The following CD58 variants were observed in gnomAD, a reference collection of about 807,000 sequenced individuals.
CD58 encodes lymphocyte function-associated antigen 3.
CD58 carries 14 observed loss-of-function variants against 27.6 expected under a neutral mutation model. The ratio of observed to expected loss-of-function variants is 0.51; its 90% confidence interval spans 0.34 to 0.79. The LOEUF (loss-of-function observed/expected upper bound fraction) is 0.79. Among genes scored for constraint, CD58 ranks in the 30% least tolerant of loss-of-function variants. The pLI is 0.02. For synonymous variants in CD58, 117 were observed against 103.8 expected, an observed-to-expected ratio of 1.13 and a Z score of -0.77; for missense variants, 268 against 301.7, an observed-to-expected ratio of 0.89 and a Z score of 0.83.
intron 1 of CD58, among the ~76,000 whole-genome samples, chr1:116,547,388 T>TG (rs1364282998): frequency 1.1e-4 from 17 of 151,398 alleles, no homozygotes; most frequent in South Asian, 6.3e-4. Flanking sequence ...TGCAGTGGCG[T>TG]GATCTCGGCT....
chr1:116,569,598 CTTTTTT>C (rs35150803), intron 1 of CD58, among the ~76,000 whole-genome samples: 3 of 110,940 alleles, frequency 2.7e-5, no homozygotes, highest in Admixed American at 9.3e-5. Flanking sequence ...CACAGCTCAC[CTTTTTT>C]TTTTTTTTTT....
chr1:116,570,958 G>A lies in CD58; in HGVS notation c.15C>T (p.Ser5=), dbSNP rs549688483. 5 of 1,561,498 alleles carry A rather than the reference G, an allele frequency of 3.2e-6. No homozygotes were observed. The highest frequency in any genetic ancestry group is 3.4e-6 in the Non-Finnish European group (4 of 1,160,454). MVAG[S]DAGRALGVLS... ...GGACCCCCAGGGCCCGCCCCGCGTC[G>A]CTCCCAGCAACCATGGCTCGTCGGG... Residue 5 remains serine (S), a synonymous_variant, in exon 1 of 6, where the codon AGC becomes AGT. Transcript: ENST00000369489. This position sits in a 1 kb window ranked among gnomAD's most constrained non-coding sequence, Gnocchi z 6.4.
chr1:116,562,756 G>A (rs1293722513), intron 1 of CD58, among the ~76,000 whole-genome samples: 4 of 152,186 alleles, frequency 2.6e-5, no homozygotes, highest in African/African-American at 9.7e-5. Context: ...ACAGTATAGA[G>A]GAAACTGCCC....
chr1:116,535,618 G>A lies in CD58; in HGVS notation c.628+347C>T, dbSNP rs1313728919. ...GCACTTTGGGAGGCCGAGGCGGGCG[G>A]ATCACGAGGTCAGGAGATCGAGACC... On this transcript the variant is annotated intron_variant, in intron 3 of 5. Transcript: ENST00000369489. Among the ~76,000 whole-genome samples the A allele has an allele frequency of 5.1e-5, 5 of 98,408 alleles. No homozygotes were observed. The Admixed American group carries it at 5.8e-4, about 11-fold the overall frequency. The allele number at this position is 98,408 out of a possible 152,430, so 64.6% of individuals were successfully genotyped here.
chr1:116,562,873 C>T (rs1190482306), intron 1 of CD58, among the ~76,000 whole-genome samples: 4 of 152,122 alleles, frequency 2.6e-5, no homozygotes, highest in Non-Finnish European at 4.4e-5. Flanking sequence ...CATTCCACCC[C>T]GGCCCCTCCC....
In CD58 at chr1:116,514,799, T is replaced by A. The variant is rs773024515; in HGVS notation, c.*14A>T. 1.3e-6 allele frequency: 2 copies of A among 1,513,840 alleles called. No homozygotes were observed. The highest frequency in any genetic ancestry group is 1.2e-5 in the South Asian group (1 of 86,292). 93.8% of individuals were successfully genotyped at this position (1,513,840 alleles called of 1,614,324 possible). ...TAATTTAGTTATGCTGTTGTCTTCA[T>A]CTTCTGTTACCAATCAATTGGAGCT... On this transcript the variant is annotated 3_prime_UTR_variant, in exon 6 of 6. Transcript: ENST00000369489.
Position 116,523,027 on chromosome 1 carries a change from T to C in CD58, c.629-1044A>G, listed in dbSNP as rs534231825. Among the ~76,000 whole-genome samples the C allele has an allele frequency of 9.2e-5, 14 of 152,314 alleles. No homozygotes were observed. The highest frequency in any genetic ancestry group is 2.9e-4 in the African/African-American group (12 of 41,566). On this transcript the variant is annotated intron_variant, in intron 3 of 5. Transcript: ENST00000369489. This position sits in a 1 kb window ranked among gnomAD's most constrained non-coding sequence, Gnocchi z 4.4. ...GTTGCATTTAAGAACAGCTGTTATA[T>C]ACTGTCATTAACCTATTGAGTAGAT...
At position 116,515,455 on chromosome 1, in the gene CD58, A is replaced by G. The variant is rs139837689; in HGVS notation, c.744-633T>C. Among the ~76,000 whole-genome samples the G allele has an allele frequency of 2.0e-3, 300 of 152,340 alleles. No homozygotes were observed. The highest frequency in any genetic ancestry group is 5.9e-3 in the African/African-American group (247 of 41,574). On this transcript the variant is annotated intron_variant, in intron 5 of 5. Transcript: ENST00000369489. The surrounding 1 kb of genome is among the most constrained non-coding windows in gnomAD (Gnocchi z 4.6). ...CATGAGAAATTAGTGCTGTGGTCAC[A>G]GGGGTGAGGTAAAGGACAGCAAACT...
rs1298169331 is a variant in CD58, at chr1:116,540,415, T to C, written c.364+3896A>G. Reference sequence around the variant, plus strand: ...GCAGATGTGAAACCTAGAGTCATCTTATGTCTTTTTACAACCAAAACCTAC... The same window carrying C: ...GCAGATGTGAAACCTAGAGTCATCTCATGTCTTTTTACAACCAAAACCTAC... On this transcript the variant is annotated intron_variant, in intron 2 of 5. Transcript: ENST00000369489. Among the ~76,000 whole-genome samples, 8 of 152,160 alleles carry C rather than the reference T, an allele frequency of 5.3e-5. No individual in the cohort carries two copies. The East Asian group carries it at 1.5e-3, about 29-fold the overall frequency.
Position 116,548,617 on chromosome 1 carries a change from T to C in CD58, c.71-4013A>G, listed in dbSNP as rs574373230. ...AAATATGTGTTGTTTATGTTATTGG[T>C]AAGGCTTCTGGTAGGCTATTAGCAG... is the stretch of plus-strand genomic sequence containing the variant. On this transcript the variant is annotated intron_variant, in intron 1 of 5. Coordinates refer to ENST00000369489, the MANE Select transcript of CD58 (RefSeq NM_001779.3). Among the ~76,000 whole-genome samples the C allele has an allele frequency of 5.1e-4, 78 of 152,166 alleles. 1 individual carries two copies. Among genetic ancestry groups the C allele is most frequent in the African/African-American group, 1.8e-3 (76 of 41,564 alleles).
intron 1 of CD58, among the ~76,000 whole-genome samples, chr1:116,564,893 G>T (rs1658881848): frequency 6.6e-6 from 1 of 152,126 alleles, no homozygotes; most frequent in Non-Finnish European, 1.5e-5. Flanking sequence ...TAGGATTACA[G>T]GCATGCACCA....
At position 116,570,437 on chromosome 1, in the gene CD58, C is replaced by T. The variant is rs1020153209; in HGVS notation, c.70+466G>A. Among the ~76,000 whole-genome samples the T allele has an allele frequency of 2.4e-4, 37 of 152,202 alleles. No individual in the cohort carries two copies. Among genetic ancestry groups the T allele is most frequent in the African/African-American group, 8.7e-4 (36 of 41,570 alleles). The stretch of plus-strand genomic sequence containing the variant: ...CTCTGCTGATACGGCGGACGCCGCG[C>T]GGGCGGGGACGGCACCGCGCGGGGA... On this transcript the variant is annotated intron_variant, in intron 1 of 5. Transcript: ENST00000369489. The surrounding 1 kb of genome is among the most constrained non-coding windows in gnomAD (Gnocchi z 6.4).
Position 116,563,859 on chromosome 1 carries a change from C to T in CD58, c.70+7044G>A, listed in dbSNP as rs1035216496. On this transcript the variant is annotated intron_variant, in intron 1 of 5. Coordinates refer to ENST00000369489, the MANE Select transcript of CD58 (RefSeq NM_001779.3). This position sits in a 1 kb window ranked among gnomAD's most constrained non-coding sequence, Gnocchi z 4.1. ...CTGATATGCCCTGGAGACATTTTCC[C>T]CATTGTCTTCGTGATTAACATTTGG... Among the ~76,000 whole-genome samples the T allele has an allele frequency of 6.6e-6, 1 of 152,222 alleles. No individual in the cohort carries two copies. The highest frequency in any genetic ancestry group is 1.5e-5 in the Non-Finnish European group (1 of 68,034).
intron 1 of CD58, among the ~76,000 whole-genome samples, chr1:116,547,505 A>G (rs933585838): frequency 6.7e-6 from 1 of 149,808 alleles, no homozygotes; most frequent in African/African-American, 2.5e-5. Flanking sequence ...TTTTTTTTGT[A>G]TTTTTAGTAA....
At position 116,521,044 on chromosome 1, in the gene CD58, ACTGAGG is replaced by A. The variant is rs1432590123; in HGVS notation, c.706+856_706+861del. ...GAGCACTTGAAAGGTGGTTAGTGTAACTGAGGAATGAATCTTAAATTTAATGGTATT... is the reference window on the plus strand; with the variant it reads ...GAGCACTTGAAAGGTGGTTAGTGTAAAATGAATCTTAAATTTAATGGTATT... On this transcript the variant is annotated intron_variant, in intron 4 of 5. Coordinates refer to ENST00000369489, the MANE Select transcript of CD58 (RefSeq NM_001779.3). This position sits in a 1 kb window ranked among gnomAD's most constrained non-coding sequence, Gnocchi z 5.6. Among the ~76,000 whole-genome samples the A allele has an allele frequency of 6.6e-6, 1 of 152,218 alleles. No individual in the cohort carries two copies. The highest frequency in any genetic ancestry group is 1.5e-5 in the Non-Finnish European group (1 of 68,038).
chr1:116,521,928 T>G lies in CD58; in HGVS notation c.684A>C (p.Thr228=). ...TACCATTCATATACAGCACAATACA[T>G]GTTGTAATTACTGCTAATGGTATGG... is the stretch of plus-strand genomic sequence containing the variant. The part of the protein sequence containing the change: ...LIPIPLAVIT[T]CIVLYMNGIL... Residue 228 remains threonine (T), a synonymous_variant, in exon 4 of 6, where the codon ACA becomes ACC. Coordinates refer to ENST00000369489, the MANE Select transcript of CD58 (RefSeq NM_001779.3). This position sits in a 1 kb window ranked among gnomAD's most constrained non-coding sequence, Gnocchi z 5.6. The G allele has an allele frequency of 6.4e-7, 1 of 1,565,638 alleles. No homozygotes were observed. Among genetic ancestry groups the G allele is most frequent in the Non-Finnish European group, 8.8e-7 (1 of 1,138,372 alleles).
chr1:116,534,072 T>C lies in CD58; in HGVS notation c.628+1893A>G, dbSNP rs1183157398. On this transcript the variant is annotated intron_variant, in intron 3 of 5. Transcript: ENST00000369489. The surrounding 1 kb of genome is among the most constrained non-coding windows in gnomAD (Gnocchi z 5.3). The stretch of plus-strand genomic sequence containing the variant: ...CCACGAAATCTGAAGGAACCCCATC[T>C]GAAAAACTGTTATCTGCCATCTGAA... The C allele has an allele frequency of 9.3e-6, 8 of 861,484 alleles. No individual in the cohort carries two copies. The African/African-American group carries it at 1.3e-4, about 14-fold the overall frequency. The allele number at this position is 861,484 out of a possible 1,614,324, so 53.4% of individuals were successfully genotyped here.
chr1:116,539,259 G>A (rs1657914611), intron 2 of CD58, among the ~76,000 whole-genome samples: 2 of 152,178 alleles, frequency 1.3e-5, no homozygotes, highest in South Asian at 4.1e-4. Context: ...GTGATATGAT[G>A]AGAAGAGTCA....
At position 116,536,124 on chromosome 1, in the gene CD58, A is replaced by T; in HGVS notation, c.469T>A (p.Tyr157Asn). The T allele has an allele frequency of 6.2e-7, 1 of 1,613,814 alleles. No individual in the cohort carries two copies. Among genetic ancestry groups the T allele is most frequent in the Non-Finnish European group, 8.5e-7 (1 of 1,179,718 alleles). The stretch of plus-strand genomic sequence containing the variant: ...TGCTCCATAGGACAATCCCATGAGT[A>T]CATTATAAGTCCTCGATGGCTGTTG... ...HYNSHRGLIMYSWDCPMEQCK... is the reference protein window; with the variant it reads ...HYNSHRGLIMNSWDCPMEQCK... Residue 157 changes from tyrosine (Y) to asparagine (N), a missense_variant, in exon 3 of 6, where the codon TAC (tyrosine) becomes AAC (asparagine). By Grantham distance (143) the Tyr-to-Asn change is moderately radical. Transcript: ENST00000369489. The surrounding 1 kb of genome is among the most constrained non-coding windows in gnomAD (Gnocchi z 5.4).
Sources: gnomAD v4.1 joint callset for allele counts (sites outside exome capture counted in the v4.1 genomes callset) on GRCh38, gnomAD v4.1.1 for gene constraint, Gnocchi (gnomAD v3.1) non-coding constraint, MANE v1.5 for transcripts, NCBI Gene and HGNC (gene_info 2026-07-23, HGNC 2026-07-21) for gene names.